LCOR: variants seen among roughly 807,000 people sequenced by gnomAD.
LCOR encodes ligand-dependent corepressor.
LCOR carries 14 observed loss-of-function variants against 64.4 expected under a neutral mutation model. The ratio of observed to expected loss-of-function variants is 0.22; its 90% confidence interval spans 0.14 to 0.34. LCOR has a LOEUF of 0.34. Among genes scored for constraint, LCOR ranks in the 10% least tolerant of loss-of-function variants. The probability of loss-of-function intolerance (pLI) is 1.00; values close to 1 mark genes in which losing one functional copy is unlikely to be tolerated. For missense variants in LCOR, 1,686 were observed against 1,765.3 expected (o/e 0.96, Z 0.80); for synonymous variants, 643 against 642.5 (o/e 1.00, Z -0.01).
intron 4 of LCOR, among the ~76,000 whole-genome samples, chr10:96,918,373 G>A (rs761723366): frequency 4.9e-4 from 75 of 152,202 alleles, no homozygotes; most frequent in Non-Finnish European, 8.7e-4. Flanking sequence ...TGAGAGAATA[G>A]GTTCTCAAGA....
Position 96,984,998 on chromosome 10 carries a change from G to A in LCOR, c.4538G>A (p.Arg1513Lys), listed in dbSNP as rs746000609. ...SSSRPQKATN[R>K]KQSSGKTRAR... ...TCAAGGCCTCAGAAAGCCACGAATAGGAAGCAGAGTAGTGGAAAGACTCGG... is the reference window on the plus strand; with the variant it reads ...TCAAGGCCTCAGAAAGCCACGAATAAGAAGCAGAGTAGTGGAAAGACTCGG... Residue 1513 changes from arginine (R) to lysine (K), a missense_variant, in exon 8 of 8, where the codon AGG (arginine) becomes AAG (lysine). By Grantham distance (26) the Arg-to-Lys change is conservative. Transcript: ENST00000421806. The A allele has an allele frequency of 1.2e-6, 2 of 1,614,166 alleles. No individual in the cohort carries two copies. The highest frequency in any genetic ancestry group is 1.1e-5 in the South Asian group (1 of 91,082).
In LCOR at chr10:96,839,209, GTTA is replaced by G. The variant is rs779636057; in HGVS notation, c.-330+5736_-330+5738del. Among the ~76,000 whole-genome samples, 14 of 152,174 alleles carry G rather than the reference GTTA, an allele frequency of 9.2e-5. No individual in the cohort carries two copies. The East Asian group carries it at 2.3e-3, about 25-fold the overall frequency. ...ATCCCTTGCCCATTTTTAAAATTGGGTTATTATTTATTGTTGAATTGTAAGAAT... is the reference window on the plus strand; with the variant it reads ...ATCCCTTGCCCATTTTTAAAATTGGGTTATTTATTGTTGAATTGTAAGAAT... On this transcript the variant is annotated intron_variant, in intron 2 of 7. Coordinates refer to ENST00000421806, the MANE Select transcript of LCOR (RefSeq NM_001346516.2).
chr10:96,927,341 AT>A (rs1847186081), intron 4 of LCOR, among the ~76,000 whole-genome samples: 2 of 151,566 alleles, frequency 1.3e-5, no homozygotes, highest in Non-Finnish European at 2.9e-5. Flanking sequence ...TTTAGAAAAC[AT>A]TATTATAAGT....
rs946183244 is a variant in LCOR at position 96,986,556 on chromosome 10, C to T, written c.*1422C>T. 1 of 152,250 alleles carries T rather than the reference C, an allele frequency of 6.6e-6. No homozygotes were observed. The highest frequency in any genetic ancestry group is 1.5e-5 in the Non-Finnish European group (1 of 68,050). 9.4% of individuals were successfully genotyped at this position (152,250 alleles called of 1,614,324 possible). ...TGTCATGTCAGGCTCTATTCCGTGT[C>T]TCAGAAGTGAGAGCCACAATGTTTT... On this transcript the variant is annotated 3_prime_UTR_variant, in exon 8 of 8. Transcript: ENST00000421806.
rs951169300 is a variant in LCOR, at chr10:96,986,164, T to C, written c.*1030T>C. The C allele has an allele frequency of 6.0e-6, 1 of 167,148 alleles. No individual in the cohort carries two copies. Among genetic ancestry groups the C allele is most frequent in the Non-Finnish European group, 1.5e-5 (1 of 68,130 alleles). 10.4% of individuals were successfully genotyped at this position (167,148 alleles called of 1,614,324 possible). A position where few individuals can be genotyped will look rare whatever the true frequency, so the allele number is the denominator to read the frequency against. ...TTTGCATGTGGTTATCAGCCACAAA[T>C]GTCTCCCAATCCCAATTTTACAGTA... On this transcript the variant is annotated 3_prime_UTR_variant, in exon 8 of 8. Coordinates refer to ENST00000421806, the MANE Select transcript of LCOR (RefSeq NM_001346516.2).
chr10:96,983,480 A>G lies in LCOR; in HGVS notation c.3020A>G (p.Asp1007Gly), dbSNP rs41284244. 25,520 of 1,614,136 alleles carry G rather than the reference A, an allele frequency of 0.016. 250 individuals are homozygous for G. Among genetic ancestry groups the G allele is most frequent in the Non-Finnish European group, 0.019 (22,371 of 1,180,030 alleles). Reference protein sequence around the residue: ...ENTQQKDDESDAPCSSLGLSS... With the variant: ...ENTQQKDDESGAPCSSLGLSS... ...ACCCAGCAGAAAGATGATGAGAGTG[A>G]TGCCCCATGCAGCTCTCTTGGGTTG... Residue 1007 changes from aspartate to glycine, a missense_variant, in exon 8 of 8, where the codon GAT becomes GGT. Physicochemically the swap from Asp to Gly is moderately conservative, Grantham distance 94 (BLOSUM62 -1). This residue lies in a region of LCOR where 1,293 missense variants were observed against 1,410.4 expected (regional missense o/e 0.92). Coordinates refer to ENST00000421806, the MANE Select transcript of LCOR (RefSeq NM_001346516.2). The surrounding 1 kb of genome is among the most constrained non-coding windows in gnomAD (Gnocchi z 4.5).
intron 2 of LCOR, among the ~76,000 whole-genome samples, chr10:96,897,866 CTTTT>C (rs59098946): frequency 5.2e-5 from 6 of 116,250 alleles, no homozygotes; most frequent in African/African-American, 1.9e-4. Flanking sequence ...AGAAAGCCAT[CTTTT>C]TTTTTTTTTT....
At chr10:96,944,825 A>T (rs1847559094) in intron 5 of LCOR, among the ~76,000 whole-genome samples, 1 of 152,126 alleles carries the variant, frequency 6.6e-6, no homozygotes. Context: ...TTTTTCCTTG[A>T]AACTTTTGTA....
At chr10:96,941,451 G>T (rs1427394628) in intron 4 of LCOR, among the ~76,000 whole-genome samples, 27 of 137,190 alleles carry the variant, frequency 2.0e-4, no homozygotes, top group African/African-American at 7.0e-4. Context: ...GCGACTGGCC[G>T]GGCAGAGGGG....
chr10:96,842,269 C>T (rs531080557), intron 2 of LCOR, among the ~76,000 whole-genome samples: 1 of 152,214 alleles, frequency 6.6e-6, no homozygotes, highest in East Asian at 1.9e-4. Context: ...GTGGCATGCA[C>T]CTGTAGCCCC....
intron 2 of LCOR, among the ~76,000 whole-genome samples, chr10:96,890,843 CT>C (rs1304322745): frequency 6.6e-6 from 1 of 152,082 alleles, no homozygotes; most frequent in Non-Finnish European, 1.5e-5. Flanking sequence ...AATATGGTGA[CT>C]TTTTTTCAAC....
chr10:96,851,496 C>A (rs1272889390), intron 2 of LCOR, among the ~76,000 whole-genome samples: 1 of 152,022 alleles, frequency 6.6e-6, no homozygotes, highest in Admixed American at 6.6e-5. Context: ...GTTAACACTG[C>A]CGAAAAAGTG....
intron 2 of LCOR, among the ~76,000 whole-genome samples, chr10:96,879,196 A>G (rs10786313): frequency 0.99 from 150,364 of 152,294 alleles, 74,253 homozygotes; most frequent in East Asian, 1. Flanking sequence ...TAATAAAAAC[A>G]GTGAAATATA....
intron 4 of LCOR, among the ~76,000 whole-genome samples, chr10:96,930,807 C>CT (rs1554838163): frequency 5.3e-5 from 8 of 152,198 alleles, no homozygotes; most frequent in African/African-American, 1.9e-4. Context: ...GGCTAGCTTA[C>CT]TTGCCCTTCT....
rs570439473 is a variant in LCOR, at chr10:96,886,878, C to G, written c.-329-20387C>G. Among the ~76,000 whole-genome samples the G allele has an allele frequency of 8.5e-5, 13 of 152,266 alleles. 1 individual carries two copies. The East Asian group carries it at 2.5e-3, about 29-fold the overall frequency. On this transcript the variant is annotated intron_variant, in intron 2 of 7. Transcript: ENST00000421806. ...TCATATAACTTTATACTCTTTTACT[C>G]AGCAAATTGGGACCTAAAGATATGC...
At chr10:96,902,818 A>G (rs140060176) in intron 2 of LCOR, among the ~76,000 whole-genome samples, 125 of 152,344 alleles carry the variant, frequency 8.2e-4, no homozygotes, top group African/African-American at 2.8e-3. Flanking sequence ...TTTGTAAAAT[A>G]TAATACAGTC....
Position 96,877,598 on chromosome 10 carries a change from A to ATTTT in LCOR, c.-329-29639_-329-29636dup, listed in dbSNP as rs57119025. On this transcript the variant is annotated intron_variant, in intron 2 of 7. Coordinates refer to ENST00000421806, the MANE Select transcript of LCOR (RefSeq NM_001346516.2). ...CAAGGGTGTCAACTCATTTTTCTGA[A>ATTTT]TTTTTTTTTTTTTTTTTTTTTTTTT... Among the ~76,000 whole-genome samples the ATTTT allele has an allele frequency of 3.2e-4, 21 of 65,686 alleles. 1 individual carries two copies. The highest frequency in any genetic ancestry group is 3.6e-4 in the Non-Finnish European group (14 of 38,826). The allele number at this position is 65,686 out of a possible 152,430, so 43.1% of individuals were successfully genotyped here. A position where few individuals can be genotyped will look rare whatever the true frequency, so the allele number is the denominator to read the frequency against.
intron 7 of LCOR, among the ~76,000 whole-genome samples, chr10:96,973,592 A>T (rs1203274551): frequency 6.6e-6 from 1 of 152,216 alleles, no homozygotes; most frequent in Admixed American, 6.5e-5. Flanking sequence ...ATAACTTGTT[A>T]TGCCTTGAAG....
chr10:96,868,332 T>C (rs1846012907), intron 2 of LCOR, among the ~76,000 whole-genome samples: 1 of 150,910 alleles, frequency 6.6e-6, no homozygotes, highest in South Asian at 2.1e-4. Flanking sequence ...TGGAGTGCAG[T>C]GGCATGATCT....
Sources: allele counts gnomAD v4.1 joint callset (sites outside exome capture counted in the v4.1 genomes callset), GRCh38; gene constraint gnomAD v4.1.1; regional missense constraint gnomAD v4.1.1; non-coding constraint Gnocchi (gnomAD v3.1); transcripts MANE v1.5; gene names NCBI Gene and HGNC (gene_info 2026-07-23, HGNC 2026-07-21).